TLN2: variants seen among roughly 807,000 people sequenced by gnomAD.
TLN2 encodes the protein talin 2, also known as talin-2.
Under a neutral mutation model 294.7 loss-of-function variants are expected in TLN2, and 118 were observed. The observed-to-expected ratio is 0.40, with a 90% CI of 0.34 to 0.47. TLN2 has a LOEUF of 0.47. Among genes scored for constraint, TLN2 ranks in the 20% least tolerant of loss-of-function variants. The probability of loss-of-function intolerance (pLI) is 0.84; values close to 1 mark genes in which losing one functional copy is unlikely to be tolerated. For synonymous variants in TLN2, 1,431 were observed against 1,304.5 expected, an observed-to-expected ratio of 1.10 and a Z score of -2.09; for missense variants, 3,083 against 3,282.2, an observed-to-expected ratio of 0.94 and a Z score of 1.48.
intron 46 of TLN2, among the ~76,000 whole-genome samples, chr15:62,794,575 G>A (rs886936446): frequency 6.6e-6 from 1 of 152,178 alleles, no homozygotes; most frequent in Non-Finnish European, 1.5e-5. Context: ...CCCATCCTCT[G>A]AGGGGCTTTC....
intron 40 of TLN2, among the ~76,000 whole-genome samples, chr15:62,765,031 C>T (rs949534705): frequency 2.0e-5 from 3 of 150,414 alleles, no homozygotes; most frequent in African/African-American, 7.3e-5. Flanking sequence ...CCCCCTCATC[C>T]CCCCATCCTT....
At chr15:62,545,281 G>A (rs192230686) in intron 1 of TLN2, among the ~76,000 whole-genome samples, 74 of 152,164 alleles carry the variant, frequency 4.9e-4, no homozygotes, top group African/African-American at 1.5e-3. Flanking sequence ...AGAAAAATTG[G>A]GGGGTGAAGA....
chr15:62,607,619 CAAGT>C (rs776668297), intron 2 of TLN2, among the ~76,000 whole-genome samples: 6 of 152,108 alleles, frequency 3.9e-5, no homozygotes, highest in Admixed American at 6.5e-5. Context: ...TGTCATGTAC[CAAGT>C]GAGTTTCTGT....
chr15:62,585,999 T>A (rs1304409003), intron 1 of TLN2, among the ~76,000 whole-genome samples: 1 of 151,514 alleles, frequency 6.6e-6, no homozygotes. Flanking sequence ...CTTGGCATTA[T>A]TACAGAAGAG....
At chr15:62,562,557 T>A (rs750284076) in intron 1 of TLN2, among the ~76,000 whole-genome samples, 5 of 150,238 alleles carry the variant, frequency 3.3e-5, no homozygotes, top group African/African-American at 4.9e-5. Context: ...ATTTATTTAT[T>A]TCCATAGGTT....
rs570175583 is a variant in TLN2, at chr15:62,581,598, T to C, written c.-237-8089T>C. ...GGAATAGTGTACAGAGGGGAATCTTTTTGTTTCATTCTCCAATTGTTATAC... is the reference window on the plus strand; with the variant it reads ...GGAATAGTGTACAGAGGGGAATCTTCTTGTTTCATTCTCCAATTGTTATAC... On this transcript the variant is annotated intron_variant, in intron 1 of 58. Coordinates refer to ENST00000636159, the MANE Select transcript of TLN2 (RefSeq NM_015059.3). 2.6e-5 allele frequency among the ~76,000 whole-genome samples: 4 copies of C among 152,330 alleles called. No homozygotes were observed. In the South Asian group the frequency reaches 8.3e-4, roughly 32 times the overall value.
chr15:62,733,663 T>C (rs1006608548), intron 28 of TLN2, among the ~76,000 whole-genome samples: 5 of 152,250 alleles, frequency 3.3e-5, no homozygotes, highest in Non-Finnish European at 7.3e-5. Context: ...TGGTGAAGAA[T>C]AGCAACCATT....
chr15:62,745,520 C>T (rs2061563879), intron 32 of TLN2, among the ~76,000 whole-genome samples: 1 of 152,084 alleles, frequency 6.6e-6, no homozygotes, highest in South Asian at 2.1e-4. Context: ...ATATGTCGTT[C>T]TATCATTTTC....
chr15:62,694,516 T>C (rs2058183870), intron 14 of TLN2, 124 bp downstream of exon 14: 2 of 732,522 alleles, frequency 2.7e-6, no homozygotes, highest in African/African-American at 3.6e-5. Flanking sequence ...GATGATATAG[T>C]TGAATCTTCT....
At chr15:62,752,250 C>G (rs1167992183) in intron 34 of TLN2, 55 bp from the exon 35 acceptor site, 3 of 1,598,752 alleles carry the variant, frequency 1.9e-6, no homozygotes, top group Non-Finnish European at 2.6e-6. Flanking sequence ...CCTCCTTTAC[C>G]CCTTGGTTTG....
intron 1 of TLN2, among the ~76,000 whole-genome samples, chr15:62,393,849 CTT>C (rs35651315): frequency 4.3e-5 from 6 of 138,248 alleles, no homozygotes; most frequent in Admixed American, 7.3e-5. Context: ...TTGCCTGATT[CTT>C]TTTTTTTTTT....
chr15:62,615,049 G>T (rs28730918), intron 2 of TLN2, among the ~76,000 whole-genome samples: 1 of 151,414 alleles, frequency 6.6e-6, no homozygotes, highest in Non-Finnish European at 1.5e-5. Flanking sequence ...CAGGGGATCC[G>T]CCTGCCTCGG....
chr15:62,745,099 C>T (rs1433938709), intron 32 of TLN2, among the ~76,000 whole-genome samples: 1 of 152,178 alleles, frequency 6.6e-6, no homozygotes, highest in Non-Finnish European at 1.5e-5. Flanking sequence ...AACTTCCAGC[C>T]AGAGCTCTCA....
chr15:62,633,028 T>G (rs879874591), intron 3 of TLN2, among the ~76,000 whole-genome samples: 16 of 152,230 alleles, frequency 1.1e-4, no homozygotes, highest in Non-Finnish European at 2.2e-4. Context: ...GCTAACATAG[T>G]CTCTTCCCTA....
chr15:62,499,225 C>T (rs2039174319), intron 1 of TLN2, among the ~76,000 whole-genome samples: 1 of 152,018 alleles, frequency 6.6e-6, no homozygotes, highest in South Asian at 2.1e-4. Context: ...GAGGTGGGAA[C>T]ATCACTTGAG....
chr15:62,748,212 G>A, intron 32 of TLN2, 139 bp from the exon 33 acceptor site: 1 of 646,056 alleles, frequency 1.5e-6, no homozygotes, highest in Middle Eastern at 4.1e-4. Context: ...TGGTTGTGTA[G>A]AGCCTCTGCA....
chr15:62,640,729 G>T (rs2050967838), intron 3 of TLN2, among the ~76,000 whole-genome samples: 1 of 152,150 alleles, frequency 6.6e-6, no homozygotes, highest in South Asian at 2.1e-4. Context: ...AGAAAGTTCT[G>T]TGTCTAGGAA....
At position 62,650,139 on chromosome 15, in the gene TLN2, G is replaced by A; in HGVS notation, c.192G>A (p.Leu64=). Residue 64 remains leucine (L), a synonymous_variant, in exon 5 of 59, where the codon CTG becomes CTA. Transcript: ENST00000636159. ...SDEDPRKGIW[L]EAGRTLDYYM... The stretch of plus-strand genomic sequence containing the variant: ...AAGACCCGAGGAAAGGGATTTGGCT[G>A]GAAGCGGGCAGAACACTGGATTACT... 1 of 1,614,162 alleles carries A rather than the reference G, an allele frequency of 6.2e-7. No individual in the cohort carries two copies. The highest frequency in any genetic ancestry group is 1.3e-5 in the African/African-American group (1 of 75,056).
chr15:62,810,576 G>A (rs2066611546), intron 52 of TLN2, among the ~76,000 whole-genome samples: 2 of 152,078 alleles, frequency 1.3e-5, no homozygotes, highest in African/African-American at 4.8e-5. Flanking sequence ...GGTTAGGAAG[G>A]CATAAGCAGA....
Sources: gnomAD v4.1 joint callset for allele counts (sites outside exome capture counted in the v4.1 genomes callset) on GRCh38, gnomAD v4.1.1 for gene constraint, MANE v1.5 for transcripts, NCBI Gene and HGNC (gene_info 2026-07-23, HGNC 2026-07-21) for gene names.